The following SLC37A1 variants were observed in gnomAD, a reference collection of about 807,000 sequenced individuals.
SLC37A1 encodes the protein solute carrier family 37 member 1, also known as glucose-6-phosphate exchanger SLC37A1.
A neutral mutation model predicts 75.3 loss-of-function variants in SLC37A1; 49 were observed. The observed-to-expected ratio is 0.65, with a 90% CI of 0.52 to 0.83. The LOEUF (loss-of-function observed/expected upper bound fraction) is 0.83, where lower values mean the gene tolerates loss of function less well. Among genes scored for constraint, SLC37A1 ranks in the 40% least tolerant of loss-of-function variants. The probability of loss-of-function intolerance (pLI) is 0.00; values close to 1 mark genes in which losing one functional copy is unlikely to be tolerated. For synonymous variants in SLC37A1, 268 were observed against 292.1 expected (o/e 0.92, Z 0.84); for missense variants, 566 against 695.0 (o/e 0.81, Z 2.09).
chr21:42,575,886 A>T (rs2056297631), intron 18 of SLC37A1: 4 of 985,354 alleles, frequency 4.1e-6, no homozygotes, highest in Non-Finnish European at 4.8e-6. Flanking sequence ...TTAATGCCTG[A>T]ATGTTCTAAT....
chr21:42,567,433 G>A (rs2056009394), intron 16 of SLC37A1, among the ~76,000 whole-genome samples: 1 of 152,194 alleles, frequency 6.6e-6, no homozygotes, highest in African/African-American at 2.4e-5. Flanking sequence ...ACCATGCCCT[G>A]CCTTGGTCAC....
Position 42,574,847 on chromosome 21 carries a change from C to T in SLC37A1, c.1453C>T (p.Leu485Phe). 2 of 1,614,188 alleles carry T rather than the reference C, an allele frequency of 1.2e-6. No individual in the cohort carries two copies. Among genetic ancestry groups the T allele is most frequent in the Non-Finnish European group, 1.7e-6 (2 of 1,180,016 alleles). The stretch of plus-strand genomic sequence containing the variant: ...AGCCCTGGGCCCCCTGCTGGCTGGG[C>T]TCCTCTCCCCGTCCGGCTGGAGCAA... Reference protein sequence around the residue: ...GAALGPLLAGLLSPSGWSNVF... With the variant: ...GAALGPLLAGFLSPSGWSNVF... Residue 485 changes from leucine (L) to phenylalanine (F), a missense_variant, in exon 18 of 20, where the codon CTC becomes TTC. Physicochemically the swap from Leu to Phe is conservative, Grantham distance 22. Coordinates refer to ENST00000352133, the MANE Select transcript of SLC37A1 (RefSeq NM_001320537.2).
intron 19 of SLC37A1, 115 bp from the exon 20 acceptor site, chr21:42,580,230 G>A: frequency 8.3e-7 from 1 of 1,207,870 alleles, no homozygotes; most frequent in South Asian, 1.3e-5. Flanking sequence ...ATCCCTGCTG[G>A]GCCGGGAGGG....
intron 9 of SLC37A1, among the ~76,000 whole-genome samples, chr21:42,550,190 T>A (rs1001326824): frequency 3.9e-5 from 6 of 152,250 alleles, no homozygotes; most frequent in African/African-American, 1.4e-4. Context: ...GTTGGTTCTT[T>A]GGAAAGATCA....
intron 3 of SLC37A1, among the ~76,000 whole-genome samples, chr21:42,527,420 G>A (rs2054824778): frequency 6.6e-6 from 1 of 152,152 alleles, no homozygotes; most frequent in Non-Finnish European, 1.5e-5. Flanking sequence ...CTCGTGTGTA[G>A]TGGTGTCCAG....
At chr21:42,532,166 C>G (rs534995208) in intron 3 of SLC37A1, among the ~76,000 whole-genome samples, 1 of 152,268 alleles carries the variant, frequency 6.6e-6, no homozygotes, top group African/African-American at 2.4e-5. Context: ...GCCTATATCC[C>G]TAACCAGGAT....
chr21:42,525,917 T>A, intron 3 of SLC37A1, 60 bp downstream of exon 3: 1 of 1,311,596 alleles, frequency 7.6e-7, no homozygotes, highest in East Asian at 2.3e-5. Context: ...CTTGAAAAGC[T>A]TGTGGGGCAG....
intron 10 of SLC37A1, among the ~76,000 whole-genome samples, chr21:42,556,460 G>A (rs2055693834): frequency 6.6e-6 from 1 of 152,264 alleles, no homozygotes; most frequent in Admixed American, 6.5e-5. Flanking sequence ...GCATCGGGTA[G>A]CGGGGTGAGC....
rs1309470458 is a variant in SLC37A1 at position 42,545,041 on chromosome 21, G to A, written c.730+1439G>A. On this transcript the variant is annotated intron_variant, in intron 8 of 19. Transcript: ENST00000352133. The surrounding 1 kb of genome is among the most constrained non-coding windows in gnomAD (Gnocchi z 4.0). ...GGCCGGGACCTCAGCACCCGCTCCAGGCATTCACGGCCCTATGTTGATGTT... is the reference window on the plus strand; with the variant it reads ...GGCCGGGACCTCAGCACCCGCTCCAAGCATTCACGGCCCTATGTTGATGTT... Among the ~76,000 whole-genome samples, 1 of 152,204 alleles carries A rather than the reference G, an allele frequency of 6.6e-6. No individual in the cohort carries two copies. Among genetic ancestry groups the A allele is most frequent in the Non-Finnish European group, 1.5e-5 (1 of 68,034 alleles).
chr21:42,546,608 G>T (rs2055412870), intron 8 of SLC37A1, among the ~76,000 whole-genome samples: 1 of 152,170 alleles, frequency 6.6e-6, no homozygotes, highest in African/African-American at 2.4e-5. Context: ...GTTGGCACTG[G>T]CTGGCGGTGA....
rs529974816 is a variant in SLC37A1, at chr21:42,577,690, T to C, written c.1522-2046T>C. 7.2e-5 allele frequency among the ~76,000 whole-genome samples: 11 copies of C among 152,272 alleles called. No individual in the cohort carries two copies. The South Asian group carries it at 2.1e-3, about 29-fold the overall frequency. ...ATACAGAAATACAGAGCAACATGGA[T>C]GAAAATGATCCCAGCATGCCAGCAA... On this transcript the variant is annotated intron_variant, in intron 18 of 19. Transcript: ENST00000352133.
intron 3 of SLC37A1, among the ~76,000 whole-genome samples, chr21:42,533,139 G>T (rs2055034837): frequency 6.6e-6 from 1 of 152,170 alleles, no homozygotes. Flanking sequence ...TGGGCACTGG[G>T]GTGGCTCCCT....
In SLC37A1 at chr21:42,547,273, C is replaced by A; in HGVS notation, c.768+133C>A. On this transcript the variant is annotated intron_variant, in intron 9 of 19. Coordinates refer to ENST00000352133, the MANE Select transcript of SLC37A1 (RefSeq NM_001320537.2). This position sits in a 1 kb window ranked among gnomAD's most constrained non-coding sequence, Gnocchi z 6.1. ...AGAAGTCCCACCCTCAAAACATTGG[C>A]AGTTCTAGGAATAGAGAATATTCTG... The A allele has an allele frequency of 1.1e-6, 1 of 938,680 alleles. No individual in the cohort carries two copies. Among genetic ancestry groups the A allele is most frequent in the Non-Finnish European group, 1.7e-6 (1 of 589,704 alleles). 58.1% of individuals were successfully genotyped at this position (938,680 alleles called of 1,614,324 possible).
intron 7 of SLC37A1, among the ~76,000 whole-genome samples, chr21:42,542,797 A>G (rs748317604): frequency 9.2e-5 from 14 of 152,270 alleles, no homozygotes; most frequent in Non-Finnish European, 1.8e-4. Context: ...CCAAAGCTAC[A>G]TGTTAACATG....
Position 42,518,389 on chromosome 21 carries a change from G to T in SLC37A1, c.-66G>T. 3 of 1,597,146 alleles carry T rather than the reference G, an allele frequency of 1.9e-6. No homozygotes were observed. Among genetic ancestry groups the T allele is most frequent in the Non-Finnish European group, 2.6e-6 (3 of 1,164,978 alleles). On this transcript the variant is annotated 5_prime_UTR_variant, in exon 2 of 20. Coordinates refer to ENST00000352133, the MANE Select transcript of SLC37A1 (RefSeq NM_001320537.2). ...CAACAGAGAGAGGATCTGGAGCCAG[G>T]ATTAATGACTCATTTATGAAGCATC...
chr21:42,571,384 TTC>T (rs2056160330), intron 17 of SLC37A1, among the ~76,000 whole-genome samples: 1 of 152,214 alleles, frequency 6.6e-6, no homozygotes, highest in Non-Finnish European at 1.5e-5. Flanking sequence ...AGGTTGCCGT[TTC>T]TGTACATTTC....
At chr21:42,531,367 A>G (rs2054975018) in intron 3 of SLC37A1, among the ~76,000 whole-genome samples, 1 of 134,566 alleles carries the variant, frequency 7.4e-6, no homozygotes, top group Non-Finnish European at 1.5e-5. Flanking sequence ...TGTTGCATGG[A>G]CGCTTTAGCA....
chr21:42,506,081 G>C lies in SLC37A1; in HGVS notation c.-179+3664G>C, dbSNP rs367668653. 1.2e-4 allele frequency among the ~76,000 whole-genome samples: 19 copies of C among 152,328 alleles called. 4 individuals are homozygous for C. Among genetic ancestry groups the C allele is most frequent in the East Asian group, 1.9e-4 (1 of 5,184 alleles). On this transcript the variant is annotated intron_variant, in intron 2 of 20. Transcript: ENST00000398341. Reference sequence around the variant, plus strand: ...GAGGATTCCCTTGTATACTTGCACGGTGAACATGAGTACTGGCATCGCAGG... The same window carrying C: ...GAGGATTCCCTTGTATACTTGCACGCTGAACATGAGTACTGGCATCGCAGG...
chr21:42,563,476 C>CCGTGTGGTCAGACAGCA (rs78379258), intron 12 of SLC37A1, among the ~76,000 whole-genome samples: 20,132 of 152,010 alleles, frequency 0.13, 1,761 homozygotes, highest in Non-Finnish European at 0.2. Flanking sequence ...AGTTCTAAAG[C>CCGTGTGGTCAGACAGCA]CGTGTGACAG....
Sources: allele counts gnomAD v4.1 joint callset (sites outside exome capture counted in the v4.1 genomes callset), GRCh38; gene constraint gnomAD v4.1.1; non-coding constraint Gnocchi (gnomAD v3.1); transcripts MANE v1.5; gene names NCBI Gene and HGNC (gene_info 2026-07-23, HGNC 2026-07-21).